Variants in DAD1 observed in about 807,000 individuals in gnomAD.
DAD1 encodes the protein dolichyl-diphosphooligosaccharide--protein glycosyltransferase subunit DAD1.
Under a neutral mutation model 9.0 loss-of-function variants are expected in DAD1, and 4 were observed. That is an observed-to-expected ratio of 0.44 (90% confidence interval 0.22 to 1.01). DAD1 has a LOEUF of 1.01. Ranked by LOEUF, DAD1 falls within the 50% of genes least tolerant of loss-of-function variation. The probability of loss-of-function intolerance (pLI) is 0.24; values close to 1 mark genes in which losing one functional copy is unlikely to be tolerated. For missense variants in DAD1, 119 were observed against 137.3 expected (o/e 0.87, Z 0.67); for synonymous variants, 60 against 62.5 (o/e 0.96, Z 0.19).
chr14:22,588,922 T>C (rs1417341888), intron 1 of DAD1, 25 bp downstream of exon 1: 4 of 1,609,808 alleles, frequency 2.5e-6, no homozygotes, highest in Non-Finnish European at 3.4e-6. Context: ...CACATTATTA[T>C]TATGATCACT....
At chr14:22,579,368 C>G (rs1218529824) in intron 1 of DAD1, among the ~76,000 whole-genome samples, 1 of 152,324 alleles carries the variant, frequency 6.6e-6, no homozygotes, top group African/African-American at 2.4e-5. Flanking sequence ...ACAAACAAAT[C>G]TAATCCAAAG....
chr14:22,582,102 G>A (rs2037120842), intron 1 of DAD1, among the ~76,000 whole-genome samples: 1 of 152,160 alleles, frequency 6.6e-6, no homozygotes. Context: ...AGCTACTAGG[G>A]AGGCTGAGGC....
chr14:22,566,217 A>G (rs765839651), intron 2 of DAD1, among the ~76,000 whole-genome samples: 9 of 152,268 alleles, frequency 5.9e-5, no homozygotes, highest in Non-Finnish European at 1.3e-4. Flanking sequence ...AACAGGAAGC[A>G]AAAGGTGTTC....
intron 2 of DAD1, among the ~76,000 whole-genome samples, chr14:22,571,606 A>G (rs890360548): frequency 1.3e-5 from 2 of 149,404 alleles, no homozygotes; most frequent in African/African-American, 2.5e-5. Flanking sequence ...ATTAGTTGTA[A>G]GATTTCTAGC....
intron 1 of DAD1, among the ~76,000 whole-genome samples, chr14:22,588,294 T>A (rs1272960569): frequency 6.6e-6 from 1 of 152,184 alleles, no homozygotes; most frequent in Non-Finnish European, 1.5e-5. Context: ...GCAAGAAAAG[T>A]CAGATTTTAA....
intron 2 of DAD1, among the ~76,000 whole-genome samples, chr14:22,567,335 C>A (rs1181443196): frequency 6.6e-6 from 1 of 152,204 alleles, no homozygotes; most frequent in Non-Finnish European, 1.5e-5. Context: ...GATTTTCCTT[C>A]AAATTCATCT....
chr14:22,582,597 T>C (rs1473526640), intron 1 of DAD1, among the ~76,000 whole-genome samples: 1 of 152,110 alleles, frequency 6.6e-6, no homozygotes, highest in Non-Finnish European at 1.5e-5. Context: ...GTAGTAAAAA[T>C]GGACAGAAAT....
In DAD1 at chr14:22,588,935, T is replaced by TAGA; in HGVS notation, c.211+9_211+11dup. On this transcript the variant is annotated intron_variant, in intron 1 of 2. Coordinates refer to ENST00000250498, the MANE Select transcript of DAD1 (RefSeq NM_001344.4). ...AACACATTATTATTATGATCACTTA[T>TAGA]AGAACCATTACCCGCTAGGATGAAA... 1 of 1,613,590 alleles carries TAGA rather than the reference T, an allele frequency of 6.2e-7. No homozygotes were observed. The highest frequency in any genetic ancestry group is 8.5e-7 in the Non-Finnish European group (1 of 1,179,664).
intron 1 of DAD1, among the ~76,000 whole-genome samples, chr14:22,584,705 G>A (rs1374083735): frequency 6.6e-6 from 1 of 152,250 alleles, no homozygotes; most frequent in Non-Finnish European, 1.5e-5. Flanking sequence ...GCAGAGTATA[G>A]AGGAGGCAGA....
Position 22,587,702 on chromosome 14 carries a change from T to C in DAD1, c.211+1245A>G, listed in dbSNP as rs117033851. On this transcript the variant is annotated intron_variant, in intron 1 of 2. Coordinates refer to ENST00000250498, the MANE Select transcript of DAD1 (RefSeq NM_001344.4). The stretch of plus-strand genomic sequence containing the variant: ...ATGTAAATGTACAATAAGCATTCTA[T>C]AGGTCTGTAACTTTAAGCACAGCAC... Among the ~76,000 whole-genome samples, 5 of 152,150 alleles carry C rather than the reference T, an allele frequency of 3.3e-5. No homozygotes were observed. The East Asian group carries it at 9.7e-4, about 29-fold the overall frequency.
chr14:22,565,565 G>C lies in DAD1; in HGVS notation c.*45-428C>G, dbSNP rs959754547. ...TTTCCATTGGTGGGGAGGCAGGGTA[G>C]GGAAGTAAGGATTCAAGAAAGAAAG... On this transcript the variant is annotated intron_variant, in intron 2 of 2. Transcript: ENST00000250498. Among the ~76,000 whole-genome samples, 37 of 152,150 alleles carry C rather than the reference G, an allele frequency of 2.4e-4. 1 individual carries two copies. The highest frequency in any genetic ancestry group is 4.6e-4 in the Admixed American group (7 of 15,276).
At chr14:22,586,192 T>A (rs1377052577) in intron 1 of DAD1, among the ~76,000 whole-genome samples, 1 of 127,190 alleles carries the variant, frequency 7.9e-6, no homozygotes, top group East Asian at 2.1e-4. Flanking sequence ...AGAGTGAGAC[T>A]CCGTCTCAAA....
chr14:22,576,169 G>A (rs1268560930), intron 1 of DAD1, among the ~76,000 whole-genome samples: 2 of 152,056 alleles, frequency 1.3e-5, no homozygotes, highest in African/African-American at 4.8e-5. Context: ...CTAGCTCCAT[G>A]GTATTTTTAG....
chr14:22,568,312 T>TA (rs1166575154), intron 2 of DAD1, among the ~76,000 whole-genome samples: 4 of 152,246 alleles, frequency 2.6e-5, no homozygotes, highest in Non-Finnish European at 5.9e-5. Context: ...ACAAGCCTGT[T>TA]AACGTGGGAA....
intron 1 of DAD1, among the ~76,000 whole-genome samples, chr14:22,581,323 A>G (rs1224902397): frequency 6.6e-6 from 1 of 152,228 alleles, no homozygotes; most frequent in Non-Finnish European, 1.5e-5. Context: ...AAATTCAATC[A>G]TAACAGAAGG....
intron 1 of DAD1, 149 bp downstream of exon 1, chr14:22,588,798 G>A (rs1165926393): frequency 1.2e-6 from 1 of 812,822 alleles, no homozygotes; most frequent in East Asian, 2.7e-5. Context: ...TAAGCTTTCT[G>A]AGCCTCAATT....
At chr14:22,575,969 A>T (rs528115962) in intron 1 of DAD1, among the ~76,000 whole-genome samples, 2 of 152,284 alleles carry the variant, frequency 1.3e-5, no homozygotes, top group East Asian at 3.9e-4. Flanking sequence ...CTAAGTGTAT[A>T]TGCTGGGGGA....
chr14:22,572,102 A>G (rs1238087614), intron 2 of DAD1, among the ~76,000 whole-genome samples: 3 of 152,028 alleles, frequency 2.0e-5, no homozygotes, highest in Non-Finnish European at 4.4e-5. Flanking sequence ...TGAATTGTTT[A>G]TTTTTTTAAC....
chr14:22,580,733 C>T (rs947521839), intron 1 of DAD1, among the ~76,000 whole-genome samples: 2 of 152,050 alleles, frequency 1.3e-5, no homozygotes, highest in Non-Finnish European at 2.9e-5. Flanking sequence ...ACACCAACAC[C>T]CCATTTGATG....
Sources: gnomAD v4.1 joint callset for allele counts (sites outside exome capture counted in the v4.1 genomes callset) on GRCh38, gnomAD v4.1.1 for gene constraint, MANE v1.5 for transcripts, NCBI Gene and HGNC (gene_info 2026-07-23, HGNC 2026-07-21) for gene names.